The following ANKFN1 variants were observed in gnomAD, a reference collection of about 807,000 sequenced individuals.
ANKFN1 encodes the protein ankyrin repeat and fibronectin type III domain containing 1.
A neutral mutation model predicts 108.7 loss-of-function variants in ANKFN1; 74 were observed. The observed-to-expected ratio is 0.68, with a 90% CI of 0.56 to 0.83. ANKFN1 has a LOEUF of 0.83. Ranked by LOEUF, ANKFN1 falls within the 40% of genes least tolerant of loss-of-function variation. The pLI is 0.00. For synonymous variants in ANKFN1, 547 were observed against 516.2 expected, an observed-to-expected ratio of 1.06 and a Z score of -0.81; for missense variants, 1,505 against 1,382.3, an observed-to-expected ratio of 1.09 and a Z score of -1.41.
chr17:56,176,881 A>G (rs1315499168), intron 1 of ANKFN1, among the ~76,000 whole-genome samples: 1 of 152,234 alleles, frequency 6.6e-6, no homozygotes, highest in African/African-American at 2.4e-5. Context: ...TCATCCTATC[A>G]TTGGGAGTAT....
chr17:56,311,883 A>G (rs1208338526), intron 3 of ANKFN1, among the ~76,000 whole-genome samples: 1 of 152,158 alleles, frequency 6.6e-6, no homozygotes, highest in African/African-American at 2.4e-5. Flanking sequence ...GGTCCCAAGC[A>G]TTTCAGAGAA....
intron 8 of ANKFN1, among the ~76,000 whole-genome samples, chr17:56,413,268 G>T (rs1367739679): frequency 6.6e-6 from 1 of 152,132 alleles, no homozygotes; most frequent in African/African-American, 2.4e-5. Flanking sequence ...TTTGAACATT[G>T]ATTTTGTATC....
intron 2 of ANKFN1, among the ~76,000 whole-genome samples, chr17:56,226,608 C>A (rs1373763857): frequency 2.0e-5 from 3 of 152,138 alleles, no homozygotes; most frequent in Admixed American, 1.3e-4. Context: ...CTTACCCAAG[C>A]AAAACCTCCA....
intron 19 of ANKFN1, among the ~76,000 whole-genome samples, chr17:56,493,620 A>G (rs1568048441): frequency 1.3e-5 from 2 of 152,126 alleles, no homozygotes; most frequent in Admixed American, 6.6e-5. Context: ...TTCTGTAGGC[A>G]GTAGGGAGCT....
chr17:56,272,596 C>A (rs185081076), intron 3 of ANKFN1, among the ~76,000 whole-genome samples: 17 of 152,180 alleles, frequency 1.1e-4, no homozygotes, highest in Admixed American at 1.1e-3. Context: ...AATTTGGTTG[C>A]TTCTACCTTT....
chr17:56,423,613 C>A (rs1032792708), intron 8 of ANKFN1, among the ~76,000 whole-genome samples: 2 of 151,986 alleles, frequency 1.3e-5, no homozygotes, highest in African/African-American at 2.4e-5. Flanking sequence ...TGATTGTGCC[C>A]AAATTTTTCA....
At chr17:56,274,938 G>C (rs1372617294) in intron 3 of ANKFN1, among the ~76,000 whole-genome samples, 2 of 152,172 alleles carry the variant, frequency 1.3e-5, no homozygotes, top group African/African-American at 4.8e-5. Flanking sequence ...CTTAAGCTAA[G>C]CTTCAGTTTC....
At chr17:56,216,786 C>T (rs1915456835) in intron 2 of ANKFN1, among the ~76,000 whole-genome samples, 1 of 152,204 alleles carries the variant, frequency 6.6e-6, no homozygotes, top group South Asian at 2.1e-4. Context: ...TGATGCCGCT[C>T]TTTAGGTGAA....
At chr17:56,466,878 G>C (rs1254469487) in intron 15 of ANKFN1, among the ~76,000 whole-genome samples, 1 of 152,064 alleles carries the variant, frequency 6.6e-6, no homozygotes, top group African/African-American at 2.4e-5. Context: ...ACCAAGGTGG[G>C]TAGATCACTT....
upstream of ANKFN1, among the ~76,000 whole-genome samples, chr17:56,150,898 G>A (rs1439605006): frequency 1.3e-5 from 2 of 152,216 alleles, no homozygotes; most frequent in Non-Finnish European, 2.9e-5. Flanking sequence ...AGAATGTGAT[G>A]AAGTAATTAG....
chr17:56,373,305 C>A (rs575284788), intron 7 of ANKFN1, among the ~76,000 whole-genome samples: 12 of 152,140 alleles, frequency 7.9e-5, no homozygotes, highest in Non-Finnish European at 1.2e-4. Context: ...CACAGGCAAC[C>A]GAAAAGAACA....
rs543055594 is a variant in ANKFN1 at position 56,482,119 on chromosome 17, T to C, written c.2092-237T>C. Among the ~76,000 whole-genome samples, 181 of 152,332 alleles carry C rather than the reference T, an allele frequency of 1.2e-3. 2 individuals are homozygous for C. The South Asian group carries it at 0.02, about 17-fold the overall frequency. On this transcript the variant is annotated intron_variant, in intron 17 of 20. Transcript: ENST00000682825. ...AAAAGCCCACAGAATGCAATCATTT[T>C]CTGCTTTTATAAGAAGCATAAATGT...
intron 4 of ANKFN1, among the ~76,000 whole-genome samples, chr17:56,338,901 A>G (rs1261455877): frequency 6.6e-6 from 1 of 152,076 alleles, no homozygotes; most frequent in East Asian, 1.9e-4. Flanking sequence ...ATGCAGAGGA[A>G]ATAAGTTGTA....
chr17:56,387,492 ATG>A (rs2047309897), intron 8 of ANKFN1, among the ~76,000 whole-genome samples: 4 of 152,230 alleles, frequency 2.6e-5, no homozygotes, highest in African/African-American at 7.2e-5. Context: ...TAATTTTATT[ATG>A]CACATATCAT....
At chr17:56,485,775 G>A (rs2050836454) in intron 18 of ANKFN1, among the ~76,000 whole-genome samples, 1 of 152,160 alleles carries the variant, frequency 6.6e-6, no homozygotes, top group African/African-American at 2.4e-5. Flanking sequence ...TTTGGGATGT[G>A]ATAGCCCTAG....
At chr17:56,435,565 C>A (rs2048903943) in intron 8 of ANKFN1, among the ~76,000 whole-genome samples, 1 of 152,070 alleles carries the variant, frequency 6.6e-6, no homozygotes, top group African/African-American at 2.4e-5. Flanking sequence ...CAAGCAATGG[C>A]TGGGTCTAAG....
chr17:56,050,163 T>C (rs1904750409), intron 4 of ANKFN1, among the ~76,000 whole-genome samples: 1 of 151,374 alleles, frequency 6.6e-6, no homozygotes, highest in Non-Finnish European at 1.5e-5. Context: ...CATTTTTTCA[T>C]GTGTTTTTTG....
chr17:56,227,456 G>T (rs1315120229), intron 2 of ANKFN1, among the ~76,000 whole-genome samples: 1 of 152,106 alleles, frequency 6.6e-6, no homozygotes, highest in African/African-American at 2.4e-5. Context: ...ATAAGTATGA[G>T]TTGAGAAAAC....
intron 8 of ANKFN1, among the ~76,000 whole-genome samples, chr17:56,404,461 C>T (rs564716849): frequency 6.6e-5 from 10 of 152,260 alleles, no homozygotes; most frequent in Non-Finnish European, 1.5e-5. Flanking sequence ...CTGAGACTTT[C>T]CAGAGCATTT....
Sources: allele counts gnomAD v4.1 joint callset (sites outside exome capture counted in the v4.1 genomes callset), GRCh38; gene constraint gnomAD v4.1.1; transcripts MANE v1.5; gene names NCBI Gene and HGNC (gene_info 2026-07-23, HGNC 2026-07-21).